The following YIPF1 variants were observed in gnomAD, a reference collection of about 807,000 sequenced individuals.
YIPF1 encodes the protein protein YIPF1.
YIPF1 carries 22 observed loss-of-function variants against 37.0 expected under a neutral mutation model. The observed-to-expected ratio is 0.59, with a 90% CI of 0.42 to 0.85. The LOEUF is 0.85. YIPF1 is among the 40% of genes least tolerant of loss of function. The pLI is 0.00. For missense variants in YIPF1, 355 were observed against 373.1 expected (o/e 0.95, Z 0.40); for synonymous variants, 128 against 131.9 (o/e 0.97, Z 0.21).
chr1:53,863,662 T>C (rs1649943767), intron 9 of YIPF1, among the ~76,000 whole-genome samples: 1 of 152,176 alleles, frequency 6.6e-6, no homozygotes, highest in Non-Finnish European at 1.5e-5. Context: ...AATCCTGGTT[T>C]CAGCGCCATC....
rs1220831551 is a variant in YIPF1 at position 53,866,183 on chromosome 1, T to C, written c.831+17A>G. The C allele has an allele frequency of 1.2e-6, 2 of 1,610,246 alleles. No individual in the cohort carries two copies. Among genetic ancestry groups the C allele is most frequent in the South Asian group, 1.1e-5 (1 of 90,698 alleles). ...GGATATAAAACACACCAAAAGAATA[T>C]ACGACTGAACCCATACCAAGCAGCC... On this transcript the variant is annotated intron_variant, in intron 9 of 10. Transcript: ENST00000072644.
intron 4 of YIPF1, among the ~76,000 whole-genome samples, chr1:53,879,400 A>G (rs1650425887): frequency 6.6e-6 from 1 of 152,022 alleles, no homozygotes; most frequent in African/African-American, 2.4e-5. Flanking sequence ...AGCAGTGTAA[A>G]TATCTCTTCC....
intron 5 of YIPF1, 87 bp from the exon 6 acceptor site, chr1:53,878,489 G>A: frequency 6.6e-7 from 1 of 1,505,342 alleles, no homozygotes; most frequent in Non-Finnish European, 9.2e-7. Flanking sequence ...AGTCATTAGA[G>A]CTTTTATGAT....
chr1:53,855,826 A>G (rs1419726938), intron 10 of YIPF1, among the ~76,000 whole-genome samples: 2 of 152,200 alleles, frequency 1.3e-5, no homozygotes, highest in Non-Finnish European at 2.9e-5. Flanking sequence ...GCAATGCATG[A>G]CTGTAACTGG....
intron 7 of YIPF1, among the ~76,000 whole-genome samples, chr1:53,869,505 C>T (rs1456915463): frequency 6.6e-6 from 1 of 152,124 alleles, no homozygotes; most frequent in Non-Finnish European, 1.5e-5. Context: ...CATAAAATAG[C>T]TTGCCCAACA....
intron 10 of YIPF1, among the ~76,000 whole-genome samples, chr1:53,855,306 C>T (rs1451471944): frequency 6.6e-6 from 1 of 151,930 alleles, no homozygotes; most frequent in African/African-American, 2.4e-5. Context: ...TCACCCCAAT[C>T]TGGATGCGGT....
intron 10 of YIPF1, among the ~76,000 whole-genome samples, chr1:53,855,573 A>G (rs1246744233): frequency 6.6e-6 from 1 of 152,160 alleles, no homozygotes; most frequent in East Asian, 1.9e-4. Flanking sequence ...ATGAGATCAC[A>G]CCATATTTTT....
rs1272625639 is a variant in YIPF1, at chr1:53,878,322, A to G, written c.357T>C (p.Asp119=). Residue 119 remains aspartate (D), a synonymous_variant, in exon 6 of 11, where the codon GAT becomes GAC. Transcript: ENST00000072644. ...FVRLYIRSNP[D]LYGPFWICAT... ...AATCAGTACTAAACATACCATAGAG[A>G]TCTGGATTGCTGCGGATATATAACC... The G allele has an allele frequency of 1.9e-6, 3 of 1,613,872 alleles. No individual in the cohort carries two copies. The highest frequency in any genetic ancestry group is 2.5e-6 in the Non-Finnish European group (3 of 1,179,944).
At position 53,878,685 on chromosome 1, in the gene YIPF1, G is replaced by A. The variant is rs1650401008; in HGVS notation, c.233C>T (p.Thr78Ile). Residue 78 changes from threonine to isoleucine, a missense_variant, in exon 5 of 11, where the codon ACA becomes ATA. Thr to Ile is a moderately conservative substitution (Grantham distance 89). Coordinates refer to ENST00000072644, the MANE Select transcript of YIPF1 (RefSeq NM_018982.5). ...AGQKKSSPFW[T>I]FEYYQTFFDV... Reference sequence around the variant, plus strand: ...AAAGAATGTTTGGTAGTATTCAAATGTCCAGAAGGGGGAGCTTTTCTTCTG... The same window carrying A: ...AAAGAATGTTTGGTAGTATTCAAATATCCAGAAGGGGGAGCTTTTCTTCTG... 2 of 1,599,006 alleles carry A rather than the reference G, an allele frequency of 1.3e-6. No individual in the cohort carries two copies. The highest frequency in any genetic ancestry group is 3.7e-5 in the Admixed American group (2 of 53,508).
chr1:53,874,770 A>AT (rs1487357192), intron 6 of YIPF1, among the ~76,000 whole-genome samples: 23 of 151,986 alleles, frequency 1.5e-4, no homozygotes, highest in Non-Finnish European at 2.5e-4. Context: ...CTGTCTCAAA[A>AT]AATATATATA....
chr1:53,863,999 C>T (rs1649953396), intron 9 of YIPF1, among the ~76,000 whole-genome samples: 1 of 152,216 alleles, frequency 6.6e-6, no homozygotes, highest in African/African-American at 2.4e-5. Context: ...GCAACTTCCT[C>T]CCAAAGTGCT....
intron 6 of YIPF1, among the ~76,000 whole-genome samples, chr1:53,874,837 T>C (rs545049742): frequency 5.3e-4 from 80 of 152,178 alleles, no homozygotes; most frequent in Non-Finnish European, 1.1e-3. Context: ...TTTAAAATCA[T>C]TGTGCTAAGA....
At chr1:53,857,929 C>G (rs577777359) in intron 10 of YIPF1, among the ~76,000 whole-genome samples, 286 of 145,528 alleles carry the variant, frequency 2.0e-3, no homozygotes, top group African/African-American at 7.0e-3. Flanking sequence ...TGCAGTGGGC[C>G]AAGATTGCGC....
At chr1:53,888,134 G>A (rs981077385) in intron 3 of YIPF1, among the ~76,000 whole-genome samples, 1 of 152,160 alleles carries the variant, frequency 6.6e-6, no homozygotes, top group Admixed American at 6.6e-5. Flanking sequence ...GCTGAGGCAG[G>A]AGAATCGTCT....
chr1:53,870,401 C>T (rs993705807), intron 7 of YIPF1, among the ~76,000 whole-genome samples: 3 of 151,416 alleles, frequency 2.0e-5, no homozygotes, highest in Non-Finnish European at 4.4e-5. Flanking sequence ...ATCTCAAACT[C>T]CTCAGCTCAA....
intron 3 of YIPF1, among the ~76,000 whole-genome samples, chr1:53,884,184 G>A (rs570335648): frequency 6.2e-4 from 87 of 141,332 alleles, no homozygotes; most frequent in African/African-American, 2.0e-3. Context: ...GCAGTGAGCC[G>A]TGATCATACC....
chr1:53,878,427 C>A, intron 5 of YIPF1, 25 bp from the exon 6 acceptor site: 2 of 1,607,164 alleles, frequency 1.2e-6, no homozygotes, highest in South Asian at 1.1e-5. Context: ...AGCAGTAATT[C>A]TACTGAAGTT....
At chr1:53,863,210 T>C (rs902862563) in intron 9 of YIPF1, among the ~76,000 whole-genome samples, 1 of 152,278 alleles carries the variant, frequency 6.6e-6, no homozygotes, top group East Asian at 1.9e-4. Context: ...TGCTTTCTCA[T>C]CCAGGTGTGT....
At chr1:53,878,565 C>A in intron 5 of YIPF1, 77 bp downstream of exon 5, 1 of 1,521,820 alleles carries the variant, frequency 6.6e-7, no homozygotes, top group Non-Finnish European at 9.0e-7. Flanking sequence ...AAGGCTTTCA[C>A]ATTATTTGGT....
Sources: allele counts gnomAD v4.1 joint callset (sites outside exome capture counted in the v4.1 genomes callset), GRCh38; gene constraint gnomAD v4.1.1; transcripts MANE v1.5; gene names NCBI Gene and HGNC (gene_info 2026-07-23, HGNC 2026-07-21).